Variants in ROBO2 observed in about 807,000 individuals in gnomAD.
ROBO2 encodes the protein roundabout guidance receptor 2.
In ROBO2, 53 loss-of-function variants were observed where a neutral mutation model predicts 160.8. The ratio of observed to expected loss-of-function variants is 0.33; its 90% CI spans 0.26 to 0.41. The LOEUF (loss-of-function observed/expected upper bound fraction) is 0.41, where lower values mean the gene tolerates loss of function less well. Among genes scored for constraint, ROBO2 ranks in the 10% least tolerant of loss-of-function variants. ROBO2 has a pLI of 1.00. For synonymous variants in ROBO2, 664 were observed against 611.7 expected (o/e 1.09, Z -1.26); for missense variants, 1,577 against 1,722.4 (o/e 0.92, Z 1.49).
At chr3:76,395,382 G>C (rs1357839438) in intron 2 of ROBO2, among the ~76,000 whole-genome samples, 4 of 148,660 alleles carry the variant, frequency 2.7e-5, no homozygotes, top group African/African-American at 7.6e-5. Flanking sequence ...CAGGAAAGAT[G>C]CAAAATTGAC....
At chr3:76,936,253 G>A (rs2077693719) in intron 2 of ROBO2, among the ~76,000 whole-genome samples, 1 of 151,828 alleles carries the variant, frequency 6.6e-6, no homozygotes, top group Non-Finnish European at 1.5e-5. Flanking sequence ...AAAGCTTGGG[G>A]ATTCATAGAT....
intron 2 of ROBO2, among the ~76,000 whole-genome samples, chr3:76,871,501 C>T (rs1027247928): frequency 7.4e-5 from 11 of 148,482 alleles, no homozygotes; most frequent in African/African-American, 2.7e-4. Flanking sequence ...TTGCAGTGAG[C>T]CGAGATCCCG....
At chr3:76,186,609 C>T (rs1701776046) in intron 2 of ROBO2, among the ~76,000 whole-genome samples, 1 of 151,942 alleles carries the variant, frequency 6.6e-6, no homozygotes, top group Admixed American at 6.6e-5. Flanking sequence ...GTGTCATTTG[C>T]CTCCCACTTT....
chr3:77,464,079 G>A (rs1485360239), intron 2 of ROBO2, among the ~76,000 whole-genome samples: 1 of 151,992 alleles, frequency 6.6e-6, no homozygotes, highest in Non-Finnish European at 1.5e-5. Flanking sequence ...CATTTGTTCA[G>A]GCTTCATAAC....
At chr3:77,350,936 A>C (rs576434787) in intron 2 of ROBO2, among the ~76,000 whole-genome samples, 1 of 152,228 alleles carries the variant, frequency 6.6e-6, no homozygotes, top group African/African-American at 2.4e-5. Flanking sequence ...TTTCTGATTT[A>C]TCAAGCACAG....
intron 2 of ROBO2, among the ~76,000 whole-genome samples, chr3:76,337,852 C>T (rs1340061749): frequency 6.6e-6 from 1 of 152,050 alleles, no homozygotes. Context: ...GTTAATAAAA[C>T]CCAACGTTCA....
At chr3:77,312,334 A>G (rs1324146039) in intron 2 of ROBO2, among the ~76,000 whole-genome samples, 2 of 152,164 alleles carry the variant, frequency 1.3e-5, no homozygotes, top group East Asian at 3.9e-4. Flanking sequence ...TCCATCTTGT[A>G]TCATATCATT....
chr3:75,938,481 A>AT (rs1257518366), intron 2 of ROBO2, among the ~76,000 whole-genome samples: 1 of 152,078 alleles, frequency 6.6e-6, no homozygotes, highest in East Asian at 1.9e-4. Flanking sequence ...TATATTTGGC[A>AT]TTTTTTCCGC....
chr3:77,617,611 C>T, exon 22 of ROBO2: 1 of 1,614,164 alleles, frequency 6.2e-7, no homozygotes. Flanking sequence ...AGGGTCCCAA[C>T]ACCTCCTGTT....
At chr3:76,171,799 A>C (rs1480879871) in intron 2 of ROBO2, among the ~76,000 whole-genome samples, 1 of 152,118 alleles carries the variant, frequency 6.6e-6, no homozygotes, top group African/African-American at 2.4e-5. Flanking sequence ...GCTGAAGCTA[A>C]ATATCTTAAA....
chr3:76,062,229 A>G (rs1176611671), intron 2 of ROBO2, among the ~76,000 whole-genome samples: 1 of 152,188 alleles, frequency 6.6e-6, no homozygotes, highest in Non-Finnish European at 1.5e-5. Flanking sequence ...GGCATAACTG[A>G]TTTTTGGGTG....
intron 16 of ROBO2, among the ~76,000 whole-genome samples, chr3:77,585,349 C>T (rs1357094614): frequency 4.6e-5 from 7 of 151,334 alleles, no homozygotes; most frequent in Admixed American, 2.6e-4. Flanking sequence ...AACAATTGAA[C>T]TGTAACTTAA....
At position 75,938,871 on chromosome 3, in the gene ROBO2, A is replaced by G. The variant is rs562097066; in HGVS notation, c.109+1269A>G. Among the ~76,000 whole-genome samples, 839 of 152,300 alleles carry G rather than the reference A, an allele frequency of 5.5e-3. 9 individuals are homozygous for G. Among genetic ancestry groups the G allele is most frequent in the African/African-American group, 0.02 (816 of 41,580 alleles). On this transcript the variant is annotated intron_variant, in intron 2 of 26. Transcript: ENST00000487694. ...CATGCCATTCAGAATTTATATTAGC[A>G]TCTAATAGAATTCTCATTTTTCTTT...
intron 2 of ROBO2, among the ~76,000 whole-genome samples, chr3:76,769,364 GA>G (rs2061754129): frequency 2.6e-5 from 4 of 151,278 alleles, no homozygotes; most frequent in Non-Finnish European, 5.9e-5. Flanking sequence ...TGATGATGAT[GA>G]TGATGATGAT....
chr3:77,626,562 G>T (rs926739776), intron 23 of ROBO2, among the ~76,000 whole-genome samples: 6 of 152,118 alleles, frequency 3.9e-5, no homozygotes, highest in Non-Finnish European at 5.9e-5. Flanking sequence ...CCAAACCGTT[G>T]GGTAACGGGG....
chr3:76,399,000 A>T (rs2077652660), intron 2 of ROBO2, among the ~76,000 whole-genome samples: 1 of 151,834 alleles, frequency 6.6e-6, no homozygotes, highest in Non-Finnish European at 1.5e-5. Context: ...ATAATACTTG[A>T]CATGGTTTTG....
chr3:76,477,210 A>C (rs79918413), intron 2 of ROBO2, among the ~76,000 whole-genome samples: 3,539 of 152,274 alleles, frequency 0.023, 138 homozygotes, highest in African/African-American at 0.081. Context: ...CTATGAACCA[A>C]CACCTCTATG....
chr3:77,152,594 A>G (rs951175676), intron 2 of ROBO2, among the ~76,000 whole-genome samples: 2 of 152,234 alleles, frequency 1.3e-5, no homozygotes, highest in Non-Finnish European at 2.9e-5. Context: ...CGTTGTATCA[A>G]ATCTCAGGCC....
chr3:77,079,050 G>C (rs1018364477), intron 1 of ROBO2, among the ~76,000 whole-genome samples: 1 of 152,026 alleles, frequency 6.6e-6, no homozygotes, highest in Admixed American at 6.6e-5. Context: ...CCTCCTGAAG[G>C]CTTCTCCCGC....
Sources: gnomAD v4.1 joint callset for allele counts (sites outside exome capture counted in the v4.1 genomes callset) on GRCh38, gnomAD v4.1.1 for gene constraint, MANE v1.5 for transcripts, NCBI Gene and HGNC (gene_info 2026-07-23, HGNC 2026-07-21) for gene names.